Variants in GRID1 observed in about 807,000 individuals in gnomAD.
The protein encoded by GRID1 is glutamate ionotropic receptor delta type subunit 1.
Under a neutral mutation model 98.0 loss-of-function variants are expected in GRID1, and 28 were observed. That is an observed-to-expected ratio of 0.29 (90% CI 0.21 to 0.39). The LOEUF is 0.39. GRID1 is among the 10% of genes least tolerant of loss of function. The pLI is 1.00. For missense variants in GRID1, 1,111 were observed against 1,340.5 expected (o/e 0.83, Z 2.67); for synonymous variants, 553 against 538.5 (o/e 1.03, Z -0.37).
At chr10:85,891,808 T>C (rs1402693726) in intron 5 of GRID1, among the ~76,000 whole-genome samples, 1 of 152,066 alleles carries the variant, frequency 6.6e-6, no homozygotes, top group East Asian at 1.9e-4. Flanking sequence ...TGTAAAAGCA[T>C]AATGTCTGGC....
At chr10:85,722,137 A>G (rs1031380933) in intron 12 of GRID1, among the ~76,000 whole-genome samples, 3 of 152,200 alleles carry the variant, frequency 2.0e-5, no homozygotes, top group African/African-American at 7.2e-5. Flanking sequence ...TAGCTAGTTG[A>G]GACCCATAGA....
At chr10:85,912,323 C>T (rs942795821) in intron 5 of GRID1, among the ~76,000 whole-genome samples, 2 of 152,184 alleles carry the variant, frequency 1.3e-5, no homozygotes, top group African/African-American at 4.8e-5. Context: ...CTCCAGTGTC[C>T]CCACAGTAGT....
chr10:86,156,163 A>G (rs1479119025), intron 3 of GRID1, among the ~76,000 whole-genome samples: 1 of 152,226 alleles, frequency 6.6e-6, no homozygotes, highest in Non-Finnish European at 1.5e-5. Flanking sequence ...AGGGGAGAAG[A>G]GAGGGGCAGC....
At chr10:85,659,178 T>G (rs1239214566) in intron 12 of GRID1, among the ~76,000 whole-genome samples, 1 of 152,250 alleles carries the variant, frequency 6.6e-6, no homozygotes, top group African/African-American at 2.4e-5. Flanking sequence ...TGCTTGCACA[T>G]GTGTGTGCAT....
intron 4 of GRID1, among the ~76,000 whole-genome samples, chr10:86,035,955 C>A (rs977654972): frequency 6.6e-6 from 1 of 152,178 alleles, no homozygotes; most frequent in African/African-American, 2.4e-5. Flanking sequence ...CTTTTGAGAG[C>A]CCCCTGCAGC....
chr10:86,311,590 A>C (rs6586002), intron 2 of GRID1, among the ~76,000 whole-genome samples: 128,999 of 148,450 alleles, frequency 0.87, 55,720 homozygotes, highest in East Asian at 0.98. Context: ...GAACACTGGG[A>C]TGCCAGAGTG....
chr10:86,321,444 G>T (rs1199129135), intron 2 of GRID1, among the ~76,000 whole-genome samples: 2 of 152,132 alleles, frequency 1.3e-5, no homozygotes, highest in Non-Finnish European at 2.9e-5. Context: ...AACCAGAATG[G>T]GGTTCTTTCC....
At chr10:86,181,519 TGG>T (rs1244878485) in intron 3 of GRID1, among the ~76,000 whole-genome samples, 12 of 152,188 alleles carry the variant, frequency 7.9e-5, no homozygotes, top group Non-Finnish European at 1.6e-4. Flanking sequence ...ACAGTCACAG[TGG>T]GTCCAGGAAA....
intron 3 of GRID1, among the ~76,000 whole-genome samples, chr10:86,185,352 T>C (rs895891154): frequency 6.6e-6 from 1 of 152,164 alleles, no homozygotes; most frequent in African/African-American, 2.4e-5. Flanking sequence ...AACTCACTTG[T>C]TAATTCTAGT....
chr10:85,619,946 T>A lies in GRID1; in HGVS notation c.2281A>T (p.Ile761Phe), dbSNP rs1258246354. ...CCCTTGCTGCTGATGCTGTTGCCGA[T>A]GACAGTCACCGAGCAGTCGTCATCC... is the stretch of plus-strand genomic sequence containing the variant. ...LTDDDCSVTVIGNSISSKGYG... is the reference protein window; with the variant it reads ...LTDDDCSVTVFGNSISSKGYG... The change falls in exon 14 of 16, where the codon ATC (isoleucine) becomes TTC (phenylalanine). Residue 761 changes from isoleucine (I) to phenylalanine (F), a missense_variant. Ile to Phe is a conservative substitution (Grantham distance 21). This residue lies in a region of GRID1 where 762 missense variants were observed against 869.1 expected (regional missense o/e 0.88). Coordinates refer to ENST00000327946, the MANE Select transcript of GRID1 (RefSeq NM_017551.3). The A allele has an allele frequency of 1.2e-6, 2 of 1,614,154 alleles. No homozygotes were observed. The highest frequency in any genetic ancestry group is 2.2e-5 in the South Asian group (2 of 91,086).
At chr10:85,840,853 G>GA (rs1201217362) in intron 8 of GRID1, among the ~76,000 whole-genome samples, 1 of 151,800 alleles carries the variant, frequency 6.6e-6, no homozygotes, top group East Asian at 1.9e-4. Context: ...ATTAACAAAT[G>GA]AAAAAAACAT....
At position 85,786,949 on chromosome 10, in the gene GRID1, G is replaced by C. The variant is rs184549508; in HGVS notation, c.1234-57335C>G. Among the ~76,000 whole-genome samples, 422 of 152,328 alleles carry C rather than the reference G, an allele frequency of 2.8e-3. 2 individuals are homozygous for C. The highest frequency in any genetic ancestry group is 5.0e-3 in the Non-Finnish European group (342 of 68,024). Reference sequence around the variant, plus strand: ...ATGGGGCCTCTCTCCAGCCTGCCTGGAGGTCACACCTGTGAGAGCTGGGGG... The same window carrying C: ...ATGGGGCCTCTCTCCAGCCTGCCTGCAGGTCACACCTGTGAGAGCTGGGGG... On this transcript the variant is annotated intron_variant, in intron 8 of 15. Transcript: ENST00000327946.
At chr10:86,243,630 T>G (rs148498373) in intron 2 of GRID1, among the ~76,000 whole-genome samples, 4 of 152,064 alleles carry the variant, frequency 2.6e-5, no homozygotes, top group Non-Finnish European at 5.9e-5. Flanking sequence ...GAGTGTCAAT[T>G]CTATCATCTC....
intron 4 of GRID1, among the ~76,000 whole-genome samples, chr10:85,938,843 T>C (rs777273696): frequency 6.6e-6 from 1 of 152,160 alleles, no homozygotes; most frequent in Non-Finnish European, 1.5e-5. Flanking sequence ...AACTTGATAA[T>C]ACCAGCAACA....
chr10:85,947,052 CT>C lies in GRID1; in HGVS notation c.727-30814del, dbSNP rs776751052. On this transcript the variant is annotated intron_variant, in intron 4 of 15. Coordinates refer to ENST00000327946, the MANE Select transcript of GRID1 (RefSeq NM_017551.3). The stretch of plus-strand genomic sequence containing the variant: ...TGAACCAGGGCAGTCCCCACCAGCA[CT>C]GTCCACCCGCACCATTATTCTCACT... Among the ~76,000 whole-genome samples, 44 of 152,340 alleles carry C rather than the reference CT, an allele frequency of 2.9e-4. No individual in the cohort carries two copies. The South Asian group carries it at 5.0e-3, about 17-fold the overall frequency.
chr10:86,361,148 A>C (rs1424174982), intron 2 of GRID1, among the ~76,000 whole-genome samples: 2 of 152,222 alleles, frequency 1.3e-5, no homozygotes, highest in Non-Finnish European at 2.9e-5. Context: ...AGCACCCCAC[A>C]GAGTACATCC....
chr10:86,279,601 C>A (rs1490163909), intron 2 of GRID1, among the ~76,000 whole-genome samples: 1 of 152,186 alleles, frequency 6.6e-6, no homozygotes, highest in Non-Finnish European at 1.5e-5. Context: ...AAAGGAACTT[C>A]TTGATTTGAT....
rs150785792 is a variant in GRID1 at position 86,132,622 on chromosome 10, G to A, written c.726+6197C>T. Among the ~76,000 whole-genome samples the A allele has an allele frequency of 1.7e-3, 263 of 152,298 alleles. 2 individuals are homozygous for A. Among genetic ancestry groups the A allele is most frequent in the Admixed American group, 0.015 (231 of 15,294 alleles). ...TATCCTAGCTCTGAGTGATAAAGTC[G>A]TCTGCTAAAGATTTACCTTGTTAGA... On this transcript the variant is annotated intron_variant, in intron 4 of 15. Coordinates refer to ENST00000327946, the MANE Select transcript of GRID1 (RefSeq NM_017551.3).
At chr10:85,742,252 T>C (rs1472862729) in intron 8 of GRID1, among the ~76,000 whole-genome samples, 4 of 152,136 alleles carry the variant, frequency 2.6e-5, no homozygotes, top group Non-Finnish European at 5.9e-5. Flanking sequence ...AACTATTCCA[T>C]AAAGGACCAT....
Sources: allele counts gnomAD v4.1 joint callset (sites outside exome capture counted in the v4.1 genomes callset), GRCh38; gene constraint gnomAD v4.1.1; regional missense constraint gnomAD v4.1.1; transcripts MANE v1.5; gene names NCBI Gene and HGNC (gene_info 2026-07-23, HGNC 2026-07-21).